The following PCGF5 variants were observed in gnomAD, a reference collection of about 807,000 sequenced individuals.
PCGF5 encodes the protein polycomb group ring finger 5.
PCGF5 carries 9 observed loss-of-function variants against 44.3 expected under a neutral mutation model. That is an observed-to-expected ratio of 0.20 (90% CI 0.12 to 0.35). The LOEUF (loss-of-function observed/expected upper bound fraction) is 0.35, where lower values mean the gene tolerates loss of function less well. PCGF5 is among the 10% of genes least tolerant of loss of function. PCGF5 has a pLI of 1.00. For synonymous variants in PCGF5, 95 were observed against 102.5 expected, an observed-to-expected ratio of 0.93 and a Z score of 0.44; for missense variants, 146 against 305.3, an observed-to-expected ratio of 0.48 and a Z score of 3.89.
intron 1 of PCGF5, among the ~76,000 whole-genome samples, chr10:91,184,704 G>C (rs1589356736): frequency 6.6e-6 from 1 of 151,458 alleles, no homozygotes; most frequent in South Asian, 2.1e-4. Context: ...TCTACCTTCA[G>C]TATTTGAGGT....
intron 7 of PCGF5, among the ~76,000 whole-genome samples, chr10:91,263,882 A>G (rs549768742): frequency 7.2e-5 from 11 of 152,304 alleles, no homozygotes; most frequent in African/African-American, 2.4e-4. Context: ...ATCAAATTAG[A>G]TATTGGTAAT....
chr10:91,263,669 C>T (rs1467110205), intron 7 of PCGF5, among the ~76,000 whole-genome samples: 2 of 152,150 alleles, frequency 1.3e-5, no homozygotes, highest in Admixed American at 6.5e-5. Flanking sequence ...AGCCACAGTT[C>T]CTGTAGCCTT....
At chr10:91,260,660 G>T (rs1383433171) in intron 6 of PCGF5, among the ~76,000 whole-genome samples, 1 of 152,058 alleles carries the variant, frequency 6.6e-6, no homozygotes, top group East Asian at 1.9e-4. Context: ...GTCCTTTGTA[G>T]GGACATGGAT....
At chr10:91,260,049 T>G (rs953585761) in intron 6 of PCGF5, among the ~76,000 whole-genome samples, 3 of 151,584 alleles carry the variant, frequency 2.0e-5, no homozygotes, top group Admixed American at 2.0e-4. Flanking sequence ...TGGGAGAAAA[T>G]TTTTGCAACC....
intron 8 of PCGF5, among the ~76,000 whole-genome samples, chr10:91,267,104 G>A (rs371047268): frequency 1.3e-5 from 2 of 152,046 alleles, no homozygotes; most frequent in Non-Finnish European, 2.9e-5. Context: ...CTGTCTCCTC[G>A]TTTATTCTGT....
chr10:91,160,637 T>G (rs926674688), upstream of PCGF5, among the ~76,000 whole-genome samples: 4 of 151,228 alleles, frequency 2.6e-5, no homozygotes, highest in South Asian at 6.3e-4. Flanking sequence ...GAAGAGACTC[T>G]GGGGGGGAAA....
chr10:91,226,964 G>T (rs1365365486), intron 2 of PCGF5, among the ~76,000 whole-genome samples: 1 of 151,852 alleles, frequency 6.6e-6, no homozygotes, highest in Non-Finnish European at 1.5e-5. Flanking sequence ...ATGAGTTTTA[G>T]CTTTAAATGA....
At chr10:91,268,847 A>T (rs980390892) in intron 8 of PCGF5, among the ~76,000 whole-genome samples, 1 of 152,078 alleles carries the variant, frequency 6.6e-6, no homozygotes, top group African/African-American at 2.4e-5. Flanking sequence ...CTCCATTGTG[A>T]TGCATTTTTG....
intron 1 of PCGF5, among the ~76,000 whole-genome samples, chr10:91,209,970 G>A (rs1418995008): frequency 1.3e-5 from 2 of 152,162 alleles, no homozygotes; most frequent in Admixed American, 1.3e-4. Context: ...GTTTTTGTTT[G>A]TTGTTTATTT....
chr10:91,169,566 C>T (rs550972459), intron 1 of PCGF5, among the ~76,000 whole-genome samples: 1 of 152,286 alleles, frequency 6.6e-6, no homozygotes, highest in East Asian at 1.9e-4. Flanking sequence ...CTTAGATATA[C>T]ATCTAACAAA....
chr10:91,268,325 T>A (rs181580696), intron 8 of PCGF5, among the ~76,000 whole-genome samples: 2 of 152,346 alleles, frequency 1.3e-5, no homozygotes, highest in East Asian at 3.9e-4. Flanking sequence ...GGTTGCTTTA[T>A]GATGTGTATT....
chr10:91,240,325 TATTAC>T (rs1432562661), intron 2 of PCGF5, among the ~76,000 whole-genome samples, 154 bp from the exon 3 acceptor site: 23 of 152,214 alleles, frequency 1.5e-4, no homozygotes, highest in Non-Finnish European at 2.9e-4. Context: ...AGTTGGGTGT[TATTAC>T]AGTGTTACAA....
At chr10:91,164,370 C>A (rs1368341962) in intron 1 of PCGF5, among the ~76,000 whole-genome samples, 2 of 152,214 alleles carry the variant, frequency 1.3e-5, no homozygotes, top group African/African-American at 4.8e-5. Context: ...GTTTTGCGTT[C>A]TCGAAAGAGT....
At chr10:91,255,433 A>G (rs1304127600) in intron 6 of PCGF5, among the ~76,000 whole-genome samples, 1 of 152,038 alleles carries the variant, frequency 6.6e-6, no homozygotes, top group Non-Finnish European at 1.5e-5. Context: ...CCTCTGCCTC[A>G]CCTTGAGGTG....
chr10:91,247,839 A>G (rs1431165000), intron 3 of PCGF5, among the ~76,000 whole-genome samples: 1 of 152,170 alleles, frequency 6.6e-6, no homozygotes, highest in Non-Finnish European at 1.5e-5. Flanking sequence ...GCTGCATAAC[A>G]GACAACCCCT....
rs562515101 is a variant in PCGF5, at chr10:91,253,872, C to T, written c.474+2432C>T. ...CATATGGTCTCTGTTGCAATTTACT[C>T]AACTTATTCATTATAGCACTAAAGC... On this transcript the variant is annotated intron_variant, in intron 6 of 9. Transcript: ENST00000336126. Among the ~76,000 whole-genome samples the T allele has an allele frequency of 5.9e-5, 9 of 151,990 alleles. No individual in the cohort carries two copies. The East Asian group carries it at 1.4e-3, about 23-fold the overall frequency.
At chr10:91,227,046 TAACA>T (rs1251358149) in intron 2 of PCGF5, among the ~76,000 whole-genome samples, 1 of 152,272 alleles carries the variant, frequency 6.6e-6, no homozygotes, top group Admixed American at 6.5e-5. Context: ...TTTAATAGCC[TAACA>T]AACCAAAGGA....
upstream of PCGF5, among the ~76,000 whole-genome samples, chr10:91,217,209 AT>A (rs1255456905): frequency 6.6e-6 from 1 of 152,022 alleles, no homozygotes; most frequent in East Asian, 1.9e-4. Flanking sequence ...AATCTTTTGT[AT>A]TTTTAGTAGA....
intron 5 of PCGF5, among the ~76,000 whole-genome samples, chr10:91,250,974 C>G (rs771975187): frequency 6.6e-6 from 1 of 151,696 alleles, no homozygotes; most frequent in Non-Finnish European, 1.5e-5. Flanking sequence ...ATTCTGTCCA[C>G]TTTCTAACAT....
Sources: gnomAD v4.1 joint callset for allele counts (sites outside exome capture counted in the v4.1 genomes callset) on GRCh38, gnomAD v4.1.1 for gene constraint, MANE v1.5 for transcripts, NCBI Gene and HGNC (gene_info 2026-07-23, HGNC 2026-07-21) for gene names.